The following TEX9 variants were observed in gnomAD, a reference collection of about 807,000 sequenced individuals.
TEX9 encodes testis-expressed protein 9.
TEX9 carries 74 observed loss-of-function variants against 59.6 expected under a neutral mutation model. The observed-to-expected ratio is 1.24, with a 90% CI of 1.03 to 1.51. TEX9 has a LOEUF of 1.51. Among genes scored for constraint, TEX9 ranks in the 40% most tolerant of loss-of-function variants. TEX9 has a pLI of 0.00. For synonymous variants in TEX9, 186 were observed against 152.2 expected, an observed-to-expected ratio of 1.22 and a Z score of -1.64; for missense variants, 522 against 447.8, an observed-to-expected ratio of 1.17 and a Z score of -1.49.
At chr15:56,305,340 A>T (rs1212819326) in intron 1 of TEX9, among the ~76,000 whole-genome samples, 4 of 152,210 alleles carry the variant, frequency 2.6e-5, no homozygotes, top group Non-Finnish European at 5.9e-5. Context: ...AGCAAAATGA[A>T]CAAAACTGGA....
chr15:56,456,527 C>T, the TEX9 span: 1,979 of 1,604,660 alleles, frequency 1.2e-3, 5 homozygotes, highest in Non-Finnish European at 1.5e-3. Context: ...TCTGCCTGAA[C>T]GAAAAATTTA....
intron 1 of TEX9, among the ~76,000 whole-genome samples, chr15:56,335,106 A>G (rs1282578791): frequency 6.6e-6 from 1 of 152,160 alleles, no homozygotes; most frequent in Non-Finnish European, 1.5e-5. Flanking sequence ...TTCCTCAAAA[A>G]TTGAAATAGA....
In TEX9 at chr15:56,244,822, C is replaced by A. The variant is rs1392939627; in HGVS notation, c.-107+544C>A. 2.0e-5 allele frequency among the ~76,000 whole-genome samples: 3 copies of A among 151,912 alleles called. No homozygotes were observed. The East Asian group carries it at 5.8e-4, about 29-fold the overall frequency. ...CCCCCCGCAGACTCCGCACCATTCCCCCCCTTCCCATTCATACCTAAATGA... is the reference window on the plus strand; with the variant it reads ...CCCCCCGCAGACTCCGCACCATTCCACCCCTTCCCATTCATACCTAAATGA... On this transcript the variant is annotated intron_variant, in intron 1 of 5. Transcript: ENST00000560827.
chr15:56,298,887 C>T (rs1001899224), intron 1 of TEX9, among the ~76,000 whole-genome samples: 10 of 152,182 alleles, frequency 6.6e-5, no homozygotes, highest in Non-Finnish European at 8.8e-5. Flanking sequence ...GAATTGCTTA[C>T]TGTTATTGAT....
chr15:56,376,391 T>A (rs2047454760), intron 3 of TEX9, among the ~76,000 whole-genome samples: 1 of 152,176 alleles, frequency 6.6e-6, no homozygotes, highest in Non-Finnish European at 1.5e-5. Flanking sequence ...GGGTTCCCTT[T>A]CTCTACATCC....
chr15:56,296,325 A>G (rs1008569349), intron 1 of TEX9, among the ~76,000 whole-genome samples: 1 of 152,008 alleles, frequency 6.6e-6, no homozygotes, highest in Non-Finnish European at 1.5e-5. Flanking sequence ...TTCAAATTCC[A>G]TTTTGTTTTA....
At chr15:56,311,311 A>C (rs1194484724) in intron 1 of TEX9, among the ~76,000 whole-genome samples, 8 of 114,680 alleles carry the variant, frequency 7.0e-5, no homozygotes, top group Non-Finnish European at 1.2e-4. Flanking sequence ...ACCCCACAAC[A>C]GTCCCCAGAG....
At chr15:56,273,884 A>T (rs1467886457) in intron 1 of TEX9, among the ~76,000 whole-genome samples, 1 of 152,050 alleles carries the variant, frequency 6.6e-6, no homozygotes, top group Non-Finnish European at 1.5e-5. Flanking sequence ...CACTTTTAGC[A>T]CTTTGAATAT....
intron 3 of TEX9, among the ~76,000 whole-genome samples, chr15:56,375,762 A>G (rs1359830114): frequency 6.6e-6 from 1 of 152,096 alleles, no homozygotes; most frequent in Non-Finnish European, 1.5e-5. Context: ...CTATAAAGAC[A>G]CATGCACACA....
At chr15:56,343,240 A>G (rs2046406407) in intron 1 of TEX9, among the ~76,000 whole-genome samples, 2 of 152,272 alleles carry the variant, frequency 1.3e-5, no homozygotes, top group Admixed American at 6.5e-5. Flanking sequence ...AGAGGAAGCT[A>G]AAGTAGTACC....
intron 1 of TEX9, among the ~76,000 whole-genome samples, chr15:56,271,979 A>G (rs1370560577): frequency 6.6e-6 from 1 of 151,990 alleles, no homozygotes; most frequent in Non-Finnish European, 1.5e-5. Flanking sequence ...CTCTACTAAA[A>G]ACTACAAAAA....
the TEX9 span, among the ~76,000 whole-genome samples, chr15:56,460,009 A>AAAAAAAAAAAAAATATAT: frequency 1.6e-3 from 43 of 26,368 alleles, 9 homozygotes; most frequent in Non-Finnish European, 2.3e-3. Flanking sequence ...AAAAAAAAAA[A>AAAAAAAAAAAAAATATAT]ATACATATAT....
At chr15:56,310,449 CA>C (rs1301556330) in intron 1 of TEX9, among the ~76,000 whole-genome samples, 1 of 151,946 alleles carries the variant, frequency 6.6e-6, no homozygotes, top group Non-Finnish European at 1.5e-5. Flanking sequence ...CAAAACAAAA[CA>C]AAAAAAGAAA....
chr15:56,339,412 A>AAC (rs2046330596), intron 1 of TEX9, among the ~76,000 whole-genome samples: 1 of 149,920 alleles, frequency 6.7e-6, no homozygotes, highest in Non-Finnish European at 1.5e-5. Flanking sequence ...AAAAAAAAAA[A>AAC]AACAGGAGAA....
intron 12 of TEX9, chr15:56,429,829 A>C (rs1157692163): frequency 6.6e-6 from 1 of 152,188 alleles, no homozygotes; most frequent in Non-Finnish European, 1.5e-5. Context: ...TAAAGGATAA[A>C]GGTCATTTTT....
intron 9 of TEX9, chr15:56,408,841 T>C (rs2049205805): frequency 6.6e-6 from 1 of 152,280 alleles, no homozygotes; most frequent in Non-Finnish European, 1.5e-5. Context: ...CTATCTTTTA[T>C]TTAAACTATT....
rs1372837875 is a variant in TEX9, at chr15:56,346,412, C to T, written c.-106-27029C>T. 2.6e-5 allele frequency among the ~76,000 whole-genome samples: 4 copies of T among 152,124 alleles called. No homozygotes were observed. The East Asian group carries it at 5.8e-4, about 22-fold the overall frequency. On this transcript the variant is annotated intron_variant, in intron 1 of 5. Coordinates refer to the TEX9 transcript ENST00000560827. ...GAGGCAGGATTGCAAATGGTGTTTCCTGGATCCCAGGATGGCATCTATCCT... is the reference window on the plus strand; with the variant it reads ...GAGGCAGGATTGCAAATGGTGTTTCTTGGATCCCAGGATGGCATCTATCCT...
intron 1 of TEX9, among the ~76,000 whole-genome samples, chr15:56,254,068 A>C (rs115786351): frequency 2.0e-5 from 3 of 152,142 alleles, no homozygotes; most frequent in Non-Finnish European, 2.9e-5. Context: ...TGAAGAGTAA[A>C]TCAAGATGCC....
intron 9 of TEX9, among the ~76,000 whole-genome samples, chr15:56,404,888 A>G (rs1443391639): frequency 6.6e-6 from 1 of 152,178 alleles, no homozygotes; most frequent in Non-Finnish European, 1.5e-5. Flanking sequence ...AAGGACAGAA[A>G]ACCAAACACC....
Sources: allele counts gnomAD v4.1 joint callset (sites outside exome capture counted in the v4.1 genomes callset), GRCh38; gene constraint gnomAD v4.1.1; transcripts MANE v1.5; gene names NCBI Gene and HGNC (gene_info 2026-07-23, HGNC 2026-07-21).